Variants in LILRB4 observed in about 807,000 individuals in gnomAD.
LILRB4 encodes leukocyte immunoglobulin-like receptor subfamily B member 4.
Under a neutral mutation model 55.2 loss-of-function variants are expected in LILRB4, and 49 were observed. That is an observed-to-expected ratio of 0.89 (90% CI 0.71 to 1.13). The LOEUF (loss-of-function observed/expected upper bound fraction) is 1.13. LILRB4 is among the 50% of genes most tolerant of loss of function. LILRB4 has a pLI of 0.00. For missense variants in LILRB4, 590 were observed against 555.2 expected (o/e 1.06, Z -0.63); for synonymous variants, 229 against 213.8 (o/e 1.07, Z -0.62).
intron 10 of LILRB4, 152 bp from the exon 11 acceptor site, chr19:54,667,483 G>C (rs535858731): frequency 1.4e-6 from 2 of 1,414,074 alleles, no homozygotes; most frequent in Non-Finnish European, 1.9e-6. Context: ...GAACCACAGG[G>C]AGGGAGCGGC....
chr19:54,668,127 C>T (rs577678315), exon 12 of LILRB4: 4 of 1,281,426 alleles, frequency 3.1e-6, no homozygotes, highest in South Asian at 1.4e-5. Context: ...AGACCCCTGA[C>T]ACAGACCACT....
chr19:54,665,895 C>G lies in LILRB4; in HGVS notation c.838C>G (p.Leu280Val). The G allele has an allele frequency of 6.2e-7, 1 of 1,613,918 alleles. No individual in the cohort carries two copies. Among genetic ancestry groups the G allele is most frequent in the South Asian group, 1.1e-5 (1 of 91,046 alleles). ...TCTCTCCCTCCTCCTCTTCCTCCTC[C>G]TCCAACACTGGCGTCAGGGAAAACA... Residue 280 changes from leucine to valine, a missense_variant, in exon 7 of 12, where the codon CTC (leucine) becomes GTC (valine). Coordinates refer to ENST00000430952, the Ensembl canonical transcript of LILRB4. This position sits in a 1 kb window ranked among gnomAD's most constrained non-coding sequence, Gnocchi z 5.5.
rs536287525 is a variant in LILRB4, at chr19:54,665,423, G to A, written c.757+243G>A. On this transcript the variant is annotated intron_variant, in intron 6 of 11. Coordinates refer to ENST00000430952, the Ensembl canonical transcript of LILRB4. The surrounding 1 kb of genome is among the most constrained non-coding windows in gnomAD (Gnocchi z 5.5). ...CAGGGAACCTCCCAGACCCGATTCCGCAGGGGCCTGTCCGGTCCCACCTGC... is the reference window on the plus strand; with the variant it reads ...CAGGGAACCTCCCAGACCCGATTCCACAGGGGCCTGTCCGGTCCCACCTGC... 4.4e-4 allele frequency among the ~76,000 whole-genome samples: 67 copies of A among 152,022 alleles called. No homozygotes were observed. Among genetic ancestry groups the A allele is most frequent in the Non-Finnish European group, 6.9e-4 (47 of 67,992 alleles).
rs760017549 is a variant in LILRB4, at chr19:54,664,877, A to T, written c.706+28A>T. The T allele has an allele frequency of 1.2e-5, 20 of 1,603,776 alleles. No individual in the cohort carries two copies. In the Middle Eastern group the frequency reaches 1.5e-3, roughly 119 times the overall value. ...GAGTCTCAGAGGCCTCTGTCCAGAG[A>T]GTTTCCAAAGCCCGAGGCCTGTCTC... On this transcript the variant is annotated intron_variant, in intron 5 of 11. Transcript: ENST00000430952.
chr19:54,667,636 A>G lies in LILRB4; in HGVS notation c.1042-2A>G, dbSNP rs747155059. On this transcript the variant is annotated splice_acceptor_variant, in intron 10 of 11. Coordinates refer to ENST00000430952, the Ensembl canonical transcript of LILRB4. LOFTEE classifies it high-confidence loss of function. Reference sequence around the variant, plus strand: ...CCCCCCACCACTGTCTCTCTCCAGCAGAGCCCACACGATGAAGACCCCCAG... The same window carrying G: ...CCCCCCACCACTGTCTCTCTCCAGCGGAGCCCACACGATGAAGACCCCCAG... 1 of 1,610,360 alleles carries G rather than the reference A, an allele frequency of 6.2e-7. No individual in the cohort carries two copies. Among genetic ancestry groups the G allele is most frequent in the South Asian group, 1.1e-5 (1 of 90,876 alleles).
rs916066441 is a variant in LILRB4, at chr19:54,666,483, C to A, written c.988+47C>A. The A allele has an allele frequency of 6.2e-7, 1 of 1,604,818 alleles. No homozygotes were observed. The highest frequency in any genetic ancestry group is 1.7e-5 in the Admixed American group (1 of 59,508). ...TGCACCTGGGGTGGAGCTGGGGGTC[C>A]CAAAATTTCAATAGCAATGGGGGCA... On this transcript the variant is annotated intron_variant, in intron 9 of 11. Coordinates refer to ENST00000430952, the Ensembl canonical transcript of LILRB4. The surrounding 1 kb of genome is among the most constrained non-coding windows in gnomAD (Gnocchi z 4.8).
At chr19:54,664,553 C>T in intron 4 of LILRB4, 68 bp downstream of exon 4, 1 of 1,498,414 alleles carries the variant, frequency 6.7e-7, no homozygotes, top group South Asian at 1.3e-5. Flanking sequence ...CAGGAGAGCT[C>T]TGGGCAGGGA....
chr19:54,667,063 A>G, intron 10 of LILRB4: 2 of 639,180 alleles, frequency 3.1e-6, no homozygotes, highest in South Asian at 3.0e-5. Context: ...TCATTCATTC[A>G]TCTAGTGAGT....
intron 10 of LILRB4, chr19:54,667,242 G>A (rs899068148): frequency 1.4e-5 from 8 of 573,370 alleles, no homozygotes; most frequent in Non-Finnish European, 2.4e-5. Context: ...ACCAGGTAAA[G>A]GGCAGAGAGT....
In LILRB4 at chr19:54,666,893, G is replaced by A; in HGVS notation, c.1041+144G>A. On this transcript the variant is annotated intron_variant, in intron 10 of 11. Coordinates refer to ENST00000430952, the Ensembl canonical transcript of LILRB4. This position sits in a 1 kb window ranked among gnomAD's most constrained non-coding sequence, Gnocchi z 4.8. Reference sequence around the variant, plus strand: ...TCCAGCACGCTGCCTCCTGCCTGCTGGGACCTCACTCTCTCCTGCTGTCCT... The same window carrying A: ...TCCAGCACGCTGCCTCCTGCCTGCTAGGACCTCACTCTCTCCTGCTGTCCT... 3 of 865,190 alleles carry A rather than the reference G, an allele frequency of 3.5e-6. No homozygotes were observed. Among genetic ancestry groups the A allele is most frequent in the Non-Finnish European group, 4.0e-6 (2 of 499,364 alleles). 53.6% of individuals were successfully genotyped at this position (865,190 alleles called of 1,614,324 possible).
Position 54,666,133 on chromosome 19 carries a change from A to G in LILRB4, c.875-107A>G. 7.8e-7 allele frequency: 1 copy of G among 1,289,036 alleles called. No individual in the cohort carries two copies. Among genetic ancestry groups the G allele is most frequent in the Non-Finnish European group, 1.1e-6 (1 of 928,402 alleles). 79.8% of individuals were successfully genotyped at this position (1,289,036 alleles called of 1,614,324 possible). ...TTTTCTAAACTTAGAAAGTATTTAA[A>G]ACATCCTTGCAAGTGTATTTTCAGG... On this transcript the variant is annotated intron_variant, in intron 7 of 11. Transcript: ENST00000430952. This position sits in a 1 kb window ranked among gnomAD's most constrained non-coding sequence, Gnocchi z 4.8.
rs1170269978 is a variant in LILRB4 at position 54,666,962 on chromosome 19, T to A, written c.1041+213T>A. On this transcript the variant is annotated intron_variant, in intron 10 of 11. Transcript: ENST00000430952. This position sits in a 1 kb window ranked among gnomAD's most constrained non-coding sequence, Gnocchi z 4.8. ...TCCCGGGTCCCCTTCCTGCTCCTCA[T>A]CCTCTGTTTGGCCATCTGGTTGTTA... 19 of 717,490 alleles carry A rather than the reference T, an allele frequency of 2.6e-5. No homozygotes were observed. The Admixed American group carries it at 3.6e-4, about 14-fold the overall frequency. The allele number at this position is 717,490 out of a possible 1,614,324, so 44.4% of individuals were successfully genotyped here. A position where few individuals can be genotyped will look rare whatever the true frequency, so the allele number is the denominator to read the frequency against.
intron 10 of LILRB4, chr19:54,667,045 G>T: frequency 1.5e-6 from 1 of 658,410 alleles, no homozygotes. Flanking sequence ...AGTCCCCTGG[G>T]CTCCCCTTCA....
At chr19:54,664,939 T>G in intron 5 of LILRB4, 90 bp downstream of exon 5, 1 of 1,429,110 alleles carries the variant, frequency 7.0e-7, no homozygotes, top group Non-Finnish European at 9.8e-7. Flanking sequence ...TCGTTCCAAT[T>G]CTCAGCTGGG....
In LILRB4 at chr19:54,664,165, C is replaced by T. The variant is rs10408246; in HGVS notation, c.356-21C>T. 550 of 1,603,068 alleles carry T rather than the reference C, an allele frequency of 3.4e-4. 2 individuals carry two copies. In the African/African-American group the frequency reaches 4.4e-3, roughly 13 times the overall value. ...TGGGAGGTGGGAGCCCCATTTAACA[C>T]GGTGCCTCCTTCTCTCCTAGGAGCC... On this transcript the variant is annotated intron_variant, in intron 3 of 11. Coordinates refer to ENST00000430952, the Ensembl canonical transcript of LILRB4.
At position 54,665,314 on chromosome 19, in the gene LILRB4, A is replaced by G. The variant is rs2146395103; in HGVS notation, c.757+134A>G. The G allele has an allele frequency of 3.1e-6, 4 of 1,295,732 alleles. No individual in the cohort carries two copies. The South Asian group carries it at 5.5e-5, about 18-fold the overall frequency. The allele number at this position is 1,295,732 out of a possible 1,614,324, so 80.3% of individuals were successfully genotyped here. A position where few individuals can be genotyped will look rare whatever the true frequency, so the allele number is the denominator to read the frequency against. On this transcript the variant is annotated intron_variant, in intron 6 of 11. Transcript: ENST00000430952. This position sits in a 1 kb window ranked among gnomAD's most constrained non-coding sequence, Gnocchi z 5.5. ...CCCTGCATGGGCCTCAGTTTCTCCA[A>G]GTGTAAAGGAGAGAGGCCTGCGGGT...
intron 2 of LILRB4, 56 bp from the exon 3 acceptor site, chr19:54,663,698 G>C (rs1283639514): frequency 6.2e-7 from 1 of 1,609,336 alleles, no homozygotes; most frequent in African/African-American, 1.3e-5. Flanking sequence ...GGGGCTGAGA[G>C]CTGGGATCTG....
chr19:54,664,614 A>C, intron 4 of LILRB4, 129 bp downstream of exon 4: 2 of 1,109,450 alleles, frequency 1.8e-6, no homozygotes, highest in Non-Finnish European at 2.6e-6. Context: ...AGAGGGGAGG[A>C]GGACAACAGG....
chr19:54,667,793 G>A, exon 11 of LILRB4: 1 of 1,519,198 alleles, frequency 6.6e-7, no homozygotes, highest in East Asian at 2.2e-5. Context: ...TGGACACTGA[G>A]GTGAGTCCTT....
Sources: allele counts gnomAD v4.1 joint callset (sites outside exome capture counted in the v4.1 genomes callset), GRCh38; gene constraint gnomAD v4.1.1; non-coding constraint Gnocchi (gnomAD v3.1); transcripts MANE v1.5; gene names NCBI Gene and HGNC (gene_info 2026-07-23, HGNC 2026-07-21).